Variants in TIRAP observed in about 807,000 individuals in gnomAD.
The protein encoded by TIRAP is toll/interleukin-1 receptor domain-containing adapter protein.
In TIRAP, 20 loss-of-function variants were observed where a neutral mutation model predicts 19.8. The ratio of observed to expected loss-of-function variants is 1.01; its 90% CI spans 0.71 to 1.47. The LOEUF (loss-of-function observed/expected upper bound fraction) is 1.47, where lower values mean the gene tolerates loss of function less well. Ranked by LOEUF, TIRAP falls within the 40% of genes most tolerant of loss-of-function variation. TIRAP has a pLI of 0.00. For missense variants in TIRAP, 276 were observed against 285.1 expected, an observed-to-expected ratio of 0.97 and a Z score of 0.23; for synonymous variants, 125 against 121.7, an observed-to-expected ratio of 1.03 and a Z score of -0.18.
At chr11:126,286,488 T>G (rs1951324093) in intron 1 of TIRAP, among the ~76,000 whole-genome samples, 1 of 152,244 alleles carries the variant, frequency 6.6e-6, no homozygotes, top group Non-Finnish European at 1.5e-5. Flanking sequence ...AAGCTATAAA[T>G]GAATTATATT....
At position 126,292,920 on chromosome 11, in the gene TIRAP, G is replaced by T. The variant is rs141792148; in HGVS notation, c.511G>T (p.Ala171Ser). The change falls in exon 4 of 5, where the codon GCC becomes TCC. Residue 171 changes from alanine (A) to serine (S), a missense_variant. Transcript: ENST00000392679. Reference sequence around the variant, plus strand: ...GCAGGCCCTGACCGAGGCTCCAGGGGCCGAGGGCTGCACCATCCCCCTGCT... The same window carrying T: ...GCAGGCCCTGACCGAGGCTCCAGGGTCCGAGGGCTGCACCATCCCCCTGCT... ...MLQALTEAPG[A>S]EGCTIPLLSG... 1.6e-5 allele frequency: 26 copies of T among 1,613,698 alleles called. No individual in the cohort carries two copies. In the African/African-American group the frequency reaches 3.3e-4, roughly 21 times the overall value.
chr11:126,294,460 C>T lies in TIRAP; in HGVS notation c.*773C>T, dbSNP rs1263750829. 5 of 454,636 alleles carry T rather than the reference C, an allele frequency of 1.1e-5. No homozygotes were observed. Among genetic ancestry groups the T allele is most frequent in the Non-Finnish European group, 1.8e-5 (4 of 226,282 alleles). 28.2% of individuals were successfully genotyped at this position (454,636 alleles called of 1,614,324 possible). A position where few individuals can be genotyped will look rare whatever the true frequency, so the allele number is the denominator to read the frequency against. On this transcript the variant is annotated 3_prime_UTR_variant, in exon 5 of 5. Coordinates refer to ENST00000392679, the MANE Select transcript of TIRAP (RefSeq NM_001318777.2). ...TCCAGGGCTCAGGGTTCAATGCCTT[C>T]ACCTGAGATCACAAGCCCATGGATG...
In TIRAP at chr11:126,293,800, C is replaced by T. The variant is rs368059432; in HGVS notation, c.*113C>T. The T allele has an allele frequency of 1.8e-5, 21 of 1,164,644 alleles. No homozygotes were observed. The highest frequency in any genetic ancestry group is 4.5e-5 in the African/African-American group (3 of 66,520). The allele number at this position is 1,164,644 out of a possible 1,614,324, so 72.1% of individuals were successfully genotyped here. ...AAGAGGTATAGGGAGTGAGTCACAG[C>T]GCTTTGCTCGTGACCCTGGGATCAG... On this transcript the variant is annotated 3_prime_UTR_variant, in exon 5 of 5. Transcript: ENST00000392679.
At chr11:126,293,160 C>A in intron 4 of TIRAP, 105 bp downstream of exon 4, 1 of 1,578,074 alleles carries the variant, frequency 6.3e-7, no homozygotes, top group Non-Finnish European at 8.6e-7. Flanking sequence ...CAAAGCGCAG[C>A]TTCTGGAAAA....
In TIRAP at chr11:126,283,105, GAGCCCGCGC is replaced by G. The variant is rs1000863931; in HGVS notation, c.-262_-254del. 1.2e-4 allele frequency: 114 copies of G among 985,148 alleles called. No homozygotes were observed. Among genetic ancestry groups the G allele is most frequent in the Non-Finnish European group, 1.3e-4 (111 of 829,874 alleles). 61.0% of individuals were successfully genotyped at this position (985,148 alleles called of 1,614,324 possible). Reference sequence around the variant, plus strand: ...GGCCTGCGCGCTGCTCTTCCCCGCGGAGCCCGCGCAGTCCGCGCAGCCCTCATCGCAACT... The same window carrying G: ...GGCCTGCGCGCTGCTCTTCCCCGCGGAGTCCGCGCAGCCCTCATCGCAACT... On this transcript the variant is annotated 5_prime_UTR_variant, in exon 1 of 5. Transcript: ENST00000392679.
rs1461972505 is a variant in TIRAP, at chr11:126,291,925, A to G, written c.68-552A>G. On this transcript the variant is annotated intron_variant, in intron 3 of 4. Transcript: ENST00000392679. This position sits in a 1 kb window ranked among gnomAD's most constrained non-coding sequence, Gnocchi z 5.6. ...TTTCTCTTAACCAGGCTGGTGGAAC[A>G]CTCTCACATAAGGATTCCAGAGTTC... Among the ~76,000 whole-genome samples, 1 of 151,696 alleles carries G rather than the reference A, an allele frequency of 6.6e-6. No individual in the cohort carries two copies. The highest frequency in any genetic ancestry group is 2.4e-5 in the African/African-American group (1 of 41,190).
At position 126,290,025 on chromosome 11, in the gene TIRAP, C is replaced by T. The variant is rs2135288593; in HGVS notation, c.-216-437C>T. ...TAAACCATGAACATAATATACCCCT[C>T]CAATATCTAGATTATTTTATATACA... On this transcript the variant is annotated intron_variant, in intron 1 of 4. Coordinates refer to ENST00000392679, the MANE Select transcript of TIRAP (RefSeq NM_001318777.2). This position sits in a 1 kb window ranked among gnomAD's most constrained non-coding sequence, Gnocchi z 4.9. 6.6e-6 allele frequency among the ~76,000 whole-genome samples: 1 copy of T among 152,348 alleles called. No homozygotes were observed.
In TIRAP at chr11:126,291,697, G is replaced by A. The variant is rs572360033; in HGVS notation, c.67+736G>A. On this transcript the variant is annotated intron_variant, in intron 3 of 4. Coordinates refer to ENST00000392679, the MANE Select transcript of TIRAP (RefSeq NM_001318777.2). The surrounding 1 kb of genome is among the most constrained non-coding windows in gnomAD (Gnocchi z 5.6). Reference sequence around the variant, plus strand: ...CAGTCCTCCGTACCCCTTCCTTCCTGTATACGTAGCCCTTCCTAATCTAAG... The same window carrying A: ...CAGTCCTCCGTACCCCTTCCTTCCTATATACGTAGCCCTTCCTAATCTAAG... 5.3e-6 allele frequency: 2 copies of A among 377,890 alleles called. No homozygotes were observed. The highest frequency in any genetic ancestry group is 4.2e-5 in the African/African-American group (2 of 47,362). The allele number at this position is 377,890 out of a possible 1,614,324, so 23.4% of individuals were successfully genotyped here.
Position 126,292,958 on chromosome 11 carries a change from C to T in TIRAP, c.549C>T (p.Ser183=). ...CCATCCCCCTGCTGTCGGGCCTCAGCAGAGCTGCCTACCCACCTGAGCTCC... is the reference window on the plus strand; with the variant it reads ...CCATCCCCCTGCTGTCGGGCCTCAGTAGAGCTGCCTACCCACCTGAGCTCC... The part of the protein sequence containing the change: ...GCTIPLLSGL[S]RAAYPPELRF... Residue 183 remains serine, a synonymous_variant, in exon 4 of 5, where the codon AGC becomes AGT. Transcript: ENST00000392679. 1.2e-6 allele frequency: 2 copies of T among 1,614,150 alleles called. No individual in the cohort carries two copies. The highest frequency in any genetic ancestry group is 1.7e-6 in the Non-Finnish European group (2 of 1,179,994).
Position 126,294,511 on chromosome 11 carries a change from T to C in TIRAP, c.*824T>C, listed in dbSNP as rs755492337. 3 of 456,168 alleles carry C rather than the reference T, an allele frequency of 6.6e-6. No homozygotes were observed. The highest frequency in any genetic ancestry group is 2.0e-5 in the African/African-American group (1 of 50,068). The allele number at this position is 456,168 out of a possible 1,614,324, so 28.3% of individuals were successfully genotyped here. ...CTGTGACATCTGGGAGCTTCATCAG[T>C]GGTCTGGCTAAAGCTGATACTTTCA... On this transcript the variant is annotated 3_prime_UTR_variant, in exon 5 of 5. Coordinates refer to ENST00000392679, the MANE Select transcript of TIRAP (RefSeq NM_001318777.2).
rs1004503757 is a variant in TIRAP, at chr11:126,292,402, T to G, written c.68-75T>G. ...CAGTCTGTCTGTCCTCCCTGTGAGG[T>G]GGGGCTCCTCCCTGTGTGGGCAGTG... On this transcript the variant is annotated intron_variant, in intron 3 of 4. Coordinates refer to ENST00000392679, the MANE Select transcript of TIRAP (RefSeq NM_001318777.2). The G allele has an allele frequency of 9.1e-6, 14 of 1,531,380 alleles. No individual in the cohort carries two copies. The Middle Eastern group carries it at 1.6e-3, about 173-fold the overall frequency. 94.9% of individuals were successfully genotyped at this position (1,531,380 alleles called of 1,614,324 possible). A position where few individuals can be genotyped will look rare whatever the true frequency, so the allele number is the denominator to read the frequency against.
intron 1 of TIRAP, among the ~76,000 whole-genome samples, chr11:126,284,992 C>T (rs1201162873): frequency 6.6e-6 from 1 of 152,114 alleles, no homozygotes; most frequent in Non-Finnish European, 1.5e-5. Context: ...TCCCTGCACA[C>T]TCTTACCACT....
At position 126,293,856 on chromosome 11, in the gene TIRAP, T is replaced by A. The variant is rs1951440020; in HGVS notation, c.*169T>A. The A allele has an allele frequency of 1.3e-6, 1 of 744,338 alleles. No individual in the cohort carries two copies. The highest frequency in any genetic ancestry group is 2.3e-6 in the Non-Finnish European group (1 of 430,240). 46.1% of individuals were successfully genotyped at this position (744,338 alleles called of 1,614,324 possible). A position where few individuals can be genotyped will look rare whatever the true frequency, so the allele number is the denominator to read the frequency against. On this transcript the variant is annotated 3_prime_UTR_variant, in exon 5 of 5. Coordinates refer to ENST00000392679, the MANE Select transcript of TIRAP (RefSeq NM_001318777.2). ...CCATCAGGCTTCCATTACTGTGGGC[T>A]CCCTAAGAAGACCATGGAGAGCTTG...
Position 126,290,501 on chromosome 11 carries a change from C to T in TIRAP, c.-177C>T. On this transcript the variant is annotated 5_prime_UTR_variant, in exon 2 of 5. Coordinates refer to ENST00000392679, the MANE Select transcript of TIRAP (RefSeq NM_001318777.2). The surrounding 1 kb of genome is among the most constrained non-coding windows in gnomAD (Gnocchi z 4.9). ...GTCCTTCTAAAGAGCTGCCTGCCAG[C>T]TGCCCTTCCCCAGATCCCGAATATC... 2 of 1,005,328 alleles carry T rather than the reference C, an allele frequency of 2.0e-6. No individual in the cohort carries two copies. The highest frequency in any genetic ancestry group is 2.4e-6 in the Non-Finnish European group (2 of 843,654). The allele number at this position is 1,005,328 out of a possible 1,614,324, so 62.3% of individuals were successfully genotyped here.
chr11:126,294,035 C>T lies in TIRAP; in HGVS notation c.*348C>T, dbSNP rs931257628. The T allele has an allele frequency of 1.5e-5, 5 of 324,234 alleles. No individual in the cohort carries two copies. Among genetic ancestry groups the T allele is most frequent in the Non-Finnish European group, 3.0e-5 (5 of 169,052 alleles). The allele number at this position is 324,234 out of a possible 1,614,324, so 20.1% of individuals were successfully genotyped here. On this transcript the variant is annotated 3_prime_UTR_variant, in exon 5 of 5. Coordinates refer to ENST00000392679, the MANE Select transcript of TIRAP (RefSeq NM_001318777.2). Reference sequence around the variant, plus strand: ...GATGGCCAGCAGGACTCATCTCCTGCCTAACTGGACAGGAAGCCTGGCACC... The same window carrying T: ...GATGGCCAGCAGGACTCATCTCCTGTCTAACTGGACAGGAAGCCTGGCACC...
At position 126,293,844 on chromosome 11, in the gene TIRAP, A is replaced by G. The variant is rs1591375160; in HGVS notation, c.*157A>G. Reference sequence around the variant, plus strand: ...GGATCAGAGCACCCATCAGGCTTCCATTACTGTGGGCTCCCTAAGAAGACC... The same window carrying G: ...GGATCAGAGCACCCATCAGGCTTCCGTTACTGTGGGCTCCCTAAGAAGACC... On this transcript the variant is annotated 3_prime_UTR_variant, in exon 5 of 5. Coordinates refer to ENST00000392679, the MANE Select transcript of TIRAP (RefSeq NM_001318777.2). 2.5e-6 allele frequency: 2 copies of G among 803,430 alleles called. No individual in the cohort carries two copies. The highest frequency in any genetic ancestry group is 2.1e-6 in the Non-Finnish European group (1 of 474,450). 49.8% of individuals were successfully genotyped at this position (803,430 alleles called of 1,614,324 possible).
In TIRAP at chr11:126,290,107, A is replaced by G. The variant is rs992951988; in HGVS notation, c.-216-355A>G. On this transcript the variant is annotated intron_variant, in intron 1 of 4. Transcript: ENST00000392679. The surrounding 1 kb of genome is among the most constrained non-coding windows in gnomAD (Gnocchi z 4.9). ...ATGCCAGGCACCATTAGGACTTTAC[A>G]TAAATGATTTCATTTAATCTTCACA... Among the ~76,000 whole-genome samples, 3 of 152,224 alleles carry G rather than the reference A, an allele frequency of 2.0e-5. No individual in the cohort carries two copies. The highest frequency in any genetic ancestry group is 2.9e-5 in the Non-Finnish European group (2 of 68,050).
chr11:126,283,604 C>G (rs997188463), intron 1 of TIRAP, among the ~76,000 whole-genome samples: 1 of 152,226 alleles, frequency 6.6e-6, no homozygotes, highest in Non-Finnish European at 1.5e-5. Flanking sequence ...AGGCATTACA[C>G]CACAGTCATG....
At chr11:126,293,478 A>G (rs1204913757) in intron 4 of TIRAP, 190 bp from the exon 5 acceptor site, 3 of 761,306 alleles carry the variant, frequency 3.9e-6, no homozygotes, top group Non-Finnish European at 7.0e-6. Context: ...CAGGAGGGAC[A>G]TTGGTTTAGT....
Sources: gnomAD v4.1 joint callset for allele counts (sites outside exome capture counted in the v4.1 genomes callset) on GRCh38, gnomAD v4.1.1 for gene constraint, Gnocchi (gnomAD v3.1) non-coding constraint, MANE v1.5 for transcripts, NCBI Gene and HGNC (gene_info 2026-07-23, HGNC 2026-07-21) for gene names.